RBFOX1: variants seen among roughly 807,000 people sequenced by gnomAD.
RBFOX1 encodes RNA binding fox-1 homolog 1, also known as RNA binding protein fox-1 homolog 1.
A neutral mutation model predicts 57.7 loss-of-function variants in RBFOX1; 8 were observed. The ratio of observed to expected loss-of-function variants is 0.14; its 90% CI spans 0.08 to 0.25. The LOEUF (loss-of-function observed/expected upper bound fraction) is 0.25. Ranked by LOEUF, RBFOX1 falls within the 10% of genes least tolerant of loss-of-function variation. The pLI, the probability that RBFOX1 is intolerant of heterozygous loss-of-function variation, is 1.00. For missense variants in RBFOX1, 611 were observed against 548.5 expected (o/e 1.11, Z -1.14); for synonymous variants, 326 against 222.4 (o/e 1.47, Z -4.15).
intron 1 of RBFOX1, among the ~76,000 whole-genome samples, chr16:6,153,888 T>G (rs1023091503): frequency 2.6e-5 from 4 of 152,194 alleles, no homozygotes; most frequent in African/African-American, 9.6e-5. Context: ...CACTGATGAG[T>G]GAGAACATAC....
intron 4 of RBFOX1, among the ~76,000 whole-genome samples, chr16:7,302,956 AT>A (rs1603609711): frequency 6.6e-6 from 1 of 152,208 alleles, no homozygotes; most frequent in African/African-American, 2.4e-5. Context: ...AATAAAAAAA[AT>A]AAATAAATAA....
intron 3 of RBFOX1, among the ~76,000 whole-genome samples, chr16:6,997,668 G>A (rs34286603): frequency 0.064 from 9,723 of 151,972 alleles, 357 homozygotes; most frequent in African/African-American, 0.1. Flanking sequence ...GGTATTGTTC[G>A]GTTTCTTGAA....
At chr16:5,968,837 T>C (rs987644859) in intron 4 of RBFOX1, among the ~76,000 whole-genome samples, 2 of 152,146 alleles carry the variant, frequency 1.3e-5, no homozygotes, top group African/African-American at 2.4e-5. Context: ...GACTCTTATC[T>C]CTATTTTACC....
intron 2 of RBFOX1, among the ~76,000 whole-genome samples, chr16:5,543,818 A>G (rs7206002): frequency 0.42 from 64,113 of 152,016 alleles, 13,920 homozygotes; most frequent in African/African-American, 0.45. Flanking sequence ...CAGAGCCACA[A>G]AGATAAGGGT....
chr16:5,909,025 C>G (rs1233113634), intron 4 of RBFOX1, among the ~76,000 whole-genome samples: 1 of 149,052 alleles, frequency 6.7e-6, no homozygotes, highest in African/African-American at 2.5e-5. Flanking sequence ...AAATAAATTT[C>G]TTTTGTGTAT....
chr16:6,637,529 G>A (rs12923467), intron 2 of RBFOX1, among the ~76,000 whole-genome samples: 4 of 32,146 alleles, frequency 1.2e-4, no homozygotes, highest in Admixed American at 1.1e-3. Flanking sequence ...ATAATATTCT[G>A]TATAGTATAT....
chr16:7,482,108 C>A (rs1323427257), intron 4 of RBFOX1, among the ~76,000 whole-genome samples: 3 of 152,224 alleles, frequency 2.0e-5, no homozygotes, highest in Non-Finnish European at 4.4e-5. Context: ...GTTATCATAG[C>A]AACAAGTCCT....
At chr16:6,181,576 A>C (rs944933927) in intron 1 of RBFOX1, among the ~76,000 whole-genome samples, 1 of 152,170 alleles carries the variant, frequency 6.6e-6, no homozygotes, top group Non-Finnish European at 1.5e-5. Context: ...AAAGGGCACA[A>C]CGCATTGGGA....
At chr16:5,297,996 A>G (rs1042816755) in intron 1 of RBFOX1, among the ~76,000 whole-genome samples, 3 of 152,048 alleles carry the variant, frequency 2.0e-5, no homozygotes, top group African/African-American at 7.3e-5. Flanking sequence ...GTGTCCAGCT[A>G]GAATTGAACA....
chr16:6,433,382 T>A (rs1173612366), intron 2 of RBFOX1, among the ~76,000 whole-genome samples: 1 of 152,244 alleles, frequency 6.6e-6, no homozygotes, highest in Non-Finnish European at 1.5e-5. Context: ...GTAGAGCCTC[T>A]GTCTTGAAGC....
chr16:5,865,127 T>C (rs991453911), intron 3 of RBFOX1, among the ~76,000 whole-genome samples: 1 of 152,120 alleles, frequency 6.6e-6, no homozygotes, highest in Non-Finnish European at 1.5e-5. Flanking sequence ...AGCTGAAAAC[T>C]CTTTTGCCCA....
intron 4 of RBFOX1, among the ~76,000 whole-genome samples, chr16:7,284,253 C>G (rs1431054344): frequency 6.6e-6 from 1 of 152,182 alleles, no homozygotes; most frequent in Non-Finnish European, 1.5e-5. Flanking sequence ...ACAGGTAATT[C>G]TGTATAACAA....
intron 3 of RBFOX1, among the ~76,000 whole-genome samples, chr16:6,856,976 G>C (rs1160160216): frequency 6.6e-6 from 1 of 152,108 alleles, no homozygotes; most frequent in African/African-American, 2.4e-5. Flanking sequence ...GGGACAAAGA[G>C]AAGGAGGACT....
chr16:5,375,581 C>A (rs1210148666), intron 1 of RBFOX1, among the ~76,000 whole-genome samples: 1 of 152,226 alleles, frequency 6.6e-6, no homozygotes, highest in Non-Finnish European at 1.5e-5. Flanking sequence ...AAGAGTCCCA[C>A]ATTCTGTGTG....
intron 3 of RBFOX1, among the ~76,000 whole-genome samples, chr16:6,807,970 C>A (rs544526121): frequency 7.7e-5 from 11 of 143,246 alleles, no homozygotes. Context: ...ATATAATATG[C>A]GTATTGTACC....
At chr16:7,090,336 GT>G (rs2060619698) in intron 4 of RBFOX1, among the ~76,000 whole-genome samples, 1 of 152,142 alleles carries the variant, frequency 6.6e-6, no homozygotes, top group Non-Finnish European at 1.5e-5. Context: ...ATTTCAGTAT[GT>G]TTTTACTAAG....
At chr16:5,375,587 G>A (rs2065965039) in intron 1 of RBFOX1, among the ~76,000 whole-genome samples, 1 of 152,202 alleles carries the variant, frequency 6.6e-6, no homozygotes, top group East Asian at 1.9e-4. Flanking sequence ...CCCACATTCT[G>A]TGTGAATATG....
chr16:7,102,662 A>C (rs1021709821), intron 4 of RBFOX1, among the ~76,000 whole-genome samples: 13 of 152,182 alleles, frequency 8.5e-5, no homozygotes, highest in African/African-American at 3.1e-4. Flanking sequence ...TCAACAGTGA[A>C]CATTTCTCGC....
chr16:6,760,662 G>C (rs10221128), intron 3 of RBFOX1, among the ~76,000 whole-genome samples: 9,178 of 152,254 alleles, frequency 0.06, 353 homozygotes, highest in Admixed American at 0.091. Context: ...CTGGAGCAGA[G>C]AGATCCAATC....
Sources: gnomAD v4.1 joint callset for allele counts (sites outside exome capture counted in the v4.1 genomes callset) on GRCh38, gnomAD v4.1.1 for gene constraint, MANE v1.5 for transcripts, NCBI Gene and HGNC (gene_info 2026-07-23, HGNC 2026-07-21) for gene names.